MPHOSPH10: variants seen among roughly 807,000 people sequenced by gnomAD.
MPHOSPH10 encodes the protein U3 small nucleolar ribonucleoprotein MPP10.
MPHOSPH10 carries 33 observed loss-of-function variants against 77.3 expected under a neutral mutation model. That is an observed-to-expected ratio of 0.43 (90% CI 0.32 to 0.57). The LOEUF is 0.57. Ranked by LOEUF, MPHOSPH10 falls within the 20% of genes least tolerant of loss-of-function variation. MPHOSPH10 has a pLI of 0.07. For missense variants in MPHOSPH10, 708 were observed against 780.1 expected (o/e 0.91, Z 1.10); for synonymous variants, 245 against 268.0 (o/e 0.91, Z 0.84).
intron 7 of MPHOSPH10, among the ~76,000 whole-genome samples, chr2:71,143,286 C>G (rs1326182943): frequency 6.6e-6 from 1 of 151,820 alleles, no homozygotes; most frequent in Non-Finnish European, 1.5e-5. Context: ...GCACATGCCA[C>G]CAAGCCCGTC....
Position 71,139,871 on chromosome 2 carries a change from GAATT to G in MPHOSPH10, c.1308+12_1308+15del, listed in dbSNP as rs1673578579. 6.4e-7 allele frequency: 1 copy of G among 1,574,494 alleles called. No homozygotes were observed. The highest frequency in any genetic ancestry group is 1.7e-5 in the Admixed American group (1 of 58,148). On this transcript the variant is annotated intron_variant, in intron 6 of 10. Coordinates refer to ENST00000244230, the MANE Select transcript of MPHOSPH10 (RefSeq NM_005791.3). ...AGAGGATAAGAGATCAGGTCAGTAA[GAATT>G]AAATTTAACTTAATCAAAATGTCAC...
intron 7 of MPHOSPH10, chr2:71,144,184 T>C (rs1673663646): frequency 3.3e-6 from 1 of 303,312 alleles, no homozygotes; most frequent in Non-Finnish European, 6.1e-6. Context: ...ACCAAGGTAA[T>C]TAAATTTTTA....
intron 8 of MPHOSPH10, 76 bp downstream of exon 8, chr2:71,144,614 C>CT (rs1673674357): frequency 1.8e-6 from 2 of 1,090,318 alleles, no homozygotes; most frequent in Admixed American, 4.4e-5. Flanking sequence ...GAGACTAGCT[C>CT]TTTATTTTGT....
chr2:71,131,302 C>G (rs1009002796), intron 1 of MPHOSPH10, among the ~76,000 whole-genome samples: 3 of 152,198 alleles, frequency 2.0e-5, no homozygotes, highest in Non-Finnish European at 4.4e-5. Context: ...CAACTACAGA[C>G]TGAGCTTAGT....
Position 71,139,037 on chromosome 2 carries a change from T to C in MPHOSPH10, c.1240+406T>C, listed in dbSNP as rs981703247. 6 of 402,916 alleles carry C rather than the reference T, an allele frequency of 1.5e-5. No individual in the cohort carries two copies. The Admixed American group carries it at 2.3e-4, about 15-fold the overall frequency. The allele number at this position is 402,916 out of a possible 1,614,324, so 25.0% of individuals were successfully genotyped here. The stretch of plus-strand genomic sequence containing the variant: ...CAGCCTGGGCAACAGAGCGACACTC[T>C]GTCAAAAAAGAAAAAATCAACTTAT... On this transcript the variant is annotated intron_variant, in intron 5 of 10. Transcript: ENST00000244230.
intron 8 of MPHOSPH10, among the ~76,000 whole-genome samples, chr2:71,147,304 A>G (rs1159663255): frequency 6.6e-6 from 1 of 152,168 alleles, no homozygotes; most frequent in African/African-American, 2.4e-5. Context: ...GAGAATGTCC[A>G]CATGCATGGT....
At chr2:71,140,649 TA>T (rs1298679862) in intron 6 of MPHOSPH10, among the ~76,000 whole-genome samples, 1 of 152,214 alleles carries the variant, frequency 6.6e-6, no homozygotes, top group African/African-American at 2.4e-5. Flanking sequence ...TTTCAAATGT[TA>T]AAAACCTAGT....
At chr2:71,138,699 T>A (rs1014041394) in intron 5 of MPHOSPH10, 68 bp downstream of exon 5, 1 of 1,598,098 alleles carries the variant, frequency 6.3e-7, no homozygotes, top group African/African-American at 1.3e-5. Context: ...TACAAAGATT[T>A]GGGGTGGTGT....
At chr2:71,140,105 C>T (rs1673583623) in intron 6 of MPHOSPH10, among the ~76,000 whole-genome samples, 1 of 152,144 alleles carries the variant, frequency 6.6e-6, no homozygotes, top group South Asian at 2.1e-4. Flanking sequence ...GTCTTGCTGA[C>T]CTTTTGGGCG....
Position 71,149,418 on chromosome 2 carries a change from C to T in MPHOSPH10, c.1861C>T (p.Gln621Ter). Residue 621 changes from glutamine to a stop codon, truncating the protein, a stop_gained, in exon 10 of 11, where the codon CAG becomes TAG. Coordinates refer to ENST00000244230, the MANE Select transcript of MPHOSPH10 (RefSeq NM_005791.3). LOFTEE classifies it high-confidence loss of function. ...SKTVASEKLK[Q>*]LTKTGKASFI... ...AACAGTAGCTTCGGAGAAGTTAAAA[C>T]AGCTGACCAAAACTGGCAAAGCTTC... The T allele has an allele frequency of 6.2e-7, 1 of 1,614,048 alleles. No individual in the cohort carries two copies. Among genetic ancestry groups the T allele is most frequent in the South Asian group, 1.1e-5 (1 of 91,038 alleles).
intron 3 of MPHOSPH10, 33 bp from the exon 4 acceptor site, chr2:71,134,593 A>G: frequency 6.4e-7 from 1 of 1,551,812 alleles, no homozygotes; most frequent in Non-Finnish European, 8.7e-7. Context: ...GGAAAGTAGT[A>G]TATTTCTTTT....
At chr2:71,146,334 C>CT (rs778705527) in intron 8 of MPHOSPH10, among the ~76,000 whole-genome samples, 29,139 of 107,116 alleles carry the variant, frequency 0.27, 5,867 homozygotes, top group Non-Finnish European at 0.36. Context: ...TTTTTTGTGG[C>CT]TTTTTTTTTT....
intron 7 of MPHOSPH10, 32 bp downstream of exon 7, chr2:71,141,401 A>G (rs771075229): frequency 6.9e-7 from 1 of 1,445,400 alleles, no homozygotes; most frequent in African/African-American, 1.5e-5. Flanking sequence ...AGCCATTATT[A>G]TTAAAGAAAT....
intron 7 of MPHOSPH10, among the ~76,000 whole-genome samples, chr2:71,143,859 A>C (rs185057477): frequency 6.6e-6 from 1 of 152,234 alleles, no homozygotes; most frequent in Non-Finnish European, 1.5e-5. Flanking sequence ...ACTGGTGGAC[A>C]TTCAGGCTGT....
chr2:71,145,868 A>G (rs1336751153), intron 8 of MPHOSPH10, among the ~76,000 whole-genome samples: 2 of 151,844 alleles, frequency 1.3e-5, no homozygotes, highest in African/African-American at 2.4e-5. Flanking sequence ...CCTTTTTGGC[A>G]TGGCTGGCTC....
intron 8 of MPHOSPH10, 39 bp from the exon 9 acceptor site, chr2:71,147,958 TCC>T (rs758475943): frequency 2.0e-6 from 3 of 1,481,422 alleles, no homozygotes; most frequent in Non-Finnish European, 2.8e-6. Context: ...TGTGTTAGAG[TCC>T]CTTCTGGCTT....
chr2:71,130,784 C>A, intron 1 of MPHOSPH10, 30 bp downstream of exon 1: 1 of 1,577,882 alleles, frequency 6.3e-7, no homozygotes, highest in Non-Finnish European at 8.6e-7. Context: ...GCTCGGGGTG[C>A]GACCGGGGTC....
In MPHOSPH10 at chr2:71,149,874, T is replaced by G; in HGVS notation, c.1905T>G (p.Gly635=). The G allele has an allele frequency of 6.5e-7, 1 of 1,541,310 alleles. No homozygotes were observed. The highest frequency in any genetic ancestry group is 8.7e-7 in the Non-Finnish European group (1 of 1,153,950). The part of the protein sequence containing the change: ...TGKASFIKDE[G]KDKALKSSQA... ...GGTGTTTTTAATTGCAGGATGAAGG[T>G]AAAGACAAGGCCTTAAAGTCCTCTC... The change falls in exon 11 of 11, where the codon GGT becomes GGG. Residue 635 remains glycine (G), a synonymous_variant. Coordinates refer to ENST00000244230, the MANE Select transcript of MPHOSPH10 (RefSeq NM_005791.3).
intron 8 of MPHOSPH10, among the ~76,000 whole-genome samples, chr2:71,147,445 G>A (rs575732204): frequency 2.3e-4 from 35 of 152,198 alleles, no homozygotes; most frequent in Middle Eastern, 6.8e-3. Flanking sequence ...AGGCCGAGGC[G>A]GGCAGATCAC....
Sources: gnomAD v4.1 joint callset for allele counts (sites outside exome capture counted in the v4.1 genomes callset) on GRCh38, gnomAD v4.1.1 for gene constraint, MANE v1.5 for transcripts, NCBI Gene and HGNC (gene_info 2026-07-23, HGNC 2026-07-21) for gene names.